Variants in RET observed in about 807,000 individuals in gnomAD.
RET encodes the protein ret proto-oncogene.
In RET, 19 loss-of-function variants were observed where a neutral mutation model predicts 118.3. That is an observed-to-expected ratio of 0.16 (90% CI 0.11 to 0.24). RET has a LOEUF of 0.24. RET is among the 10% of genes least tolerant of loss of function. The probability of loss-of-function intolerance (pLI) is 1.00; values close to 1 mark genes in which losing one functional copy is unlikely to be tolerated. For missense variants in RET, 1,219 were observed against 1,502.1 expected, an observed-to-expected ratio of 0.81 and a Z score of 3.12; for synonymous variants, 597 against 644.1, an observed-to-expected ratio of 0.93 and a Z score of 1.11.
chr10:43,113,419 C>T lies in RET; in HGVS notation c.1760-137C>T, dbSNP rs2132823989. On this transcript the variant is annotated intron_variant, in intron 9 of 19. Transcript: ENST00000355710. ...AGCCCTGCCCGGCTAAGCCAAGCTGCTGGGCCCCTGGCCTCACTGGGCCTA... is the reference window on the plus strand; with the variant it reads ...AGCCCTGCCCGGCTAAGCCAAGCTGTTGGGCCCCTGGCCTCACTGGGCCTA... 4 of 1,055,908 alleles carry T rather than the reference C, an allele frequency of 3.8e-6. No homozygotes were observed. In the South Asian group the frequency reaches 6.6e-5, roughly 18 times the overall value. 65.4% of individuals were successfully genotyped at this position (1,055,908 alleles called of 1,614,324 possible). A position where few individuals can be genotyped will look rare whatever the true frequency, so the allele number is the denominator to read the frequency against.
intron 17 of RET, 128 bp from the exon 18 acceptor site, chr10:43,124,755 A>T: frequency 1.1e-6 from 1 of 909,552 alleles, no homozygotes. Flanking sequence ...ATGCAGAAAT[A>T]GCTTTGGAGT....
chr10:43,126,508 G>A, intron 18 of RET, 67 bp from the exon 19 acceptor site: 2 of 1,393,440 alleles, frequency 1.4e-6, no homozygotes, highest in Non-Finnish European at 2.0e-6. Flanking sequence ...AGGATGGCTT[G>A]TTGTATACTG....
Position 43,105,138 on chromosome 10 carries a change from C to T in RET, c.812C>T (p.Thr271Ile), listed in dbSNP as rs1361019662. The T allele has an allele frequency of 3.1e-6, 5 of 1,612,596 alleles. No homozygotes were observed. The African/African-American group carries it at 5.3e-5, about 17-fold the overall frequency. ...TACGACGAGGACGACTCGGCGCCCA[C>T]CTTCCCCGCGGGCGTCGACACCGCC... ...TVYDEDDSAP[T>I]FPAGVDTASA... The change falls in exon 4 of 20, where the codon ACC becomes ATC. Residue 271 changes from threonine (T) to isoleucine (I), a missense_variant. Thr to Ile is a moderately conservative substitution (Grantham distance 89, BLOSUM62 -1). Around this residue, in one of 5 missense-constraint regions of RET, gnomAD observed 850 missense variants for 969.6 expected, o/e 0.88. Coordinates refer to ENST00000355710, the MANE Select transcript of RET (RefSeq NM_020975.6).
Position 43,129,782 on chromosome 10 carries a change from G to T in RET, c.*1513G>T. ...CGTGTGTAATAGAGCCTTGTGGTGT[G>T]TGCGCACACACCCAGAGGGAGAGTT... is the stretch of plus-strand genomic sequence containing the variant. On this transcript the variant is annotated 3_prime_UTR_variant, in exon 20 of 20. Coordinates refer to ENST00000355710, the MANE Select transcript of RET (RefSeq NM_020975.6). 1 of 392,966 alleles carries T rather than the reference G, an allele frequency of 2.5e-6. No individual in the cohort carries two copies. 24.3% of individuals were successfully genotyped at this position (392,966 alleles called of 1,614,324 possible).
intron 3 of RET, 55 bp downstream of exon 3, chr10:43,102,684 T>C: frequency 1.9e-6 from 3 of 1,605,124 alleles, no homozygotes; most frequent in Non-Finnish European, 1.7e-6. Flanking sequence ...CTGGTCTTGC[T>C]CTGCGAGCCC....
At position 43,102,365 on chromosome 10, in the gene RET, G is replaced by A. The variant is rs770548816; in HGVS notation, c.361G>A (p.Val121Ile). ...VRNRGFPLLT[V>I]YLKVFLSPTS... is the part of the protein sequence containing the mutation. ...AGACCGCGGCTTTCCCCTGCTCACC[G>A]TCTACCTCAAGGTCTTCCTGTCACC... is the stretch of plus-strand genomic sequence containing the variant. The change falls in exon 3 of 20, where the codon GTC (valine) becomes ATC (isoleucine). Residue 121 changes from valine (V) to isoleucine (I), a missense_variant. By Grantham distance (29) the Val-to-Ile change is conservative. Around this residue, in one of 5 missense-constraint regions of RET, gnomAD observed 84 missense variants for 163.6 expected, o/e 0.51. Coordinates refer to ENST00000355710, the MANE Select transcript of RET (RefSeq NM_020975.6). 29 of 1,614,028 alleles carry A rather than the reference G, an allele frequency of 1.8e-5. No individual in the cohort carries two copies. Among genetic ancestry groups the A allele is most frequent in the African/African-American group, 5.3e-5 (4 of 74,928 alleles).
In RET at chr10:43,077,219, GC is replaced by G; in HGVS notation, c.-38del. ...CCGCCATCCAGACCCGCCGGCCCTAGCCGCAGTCCCTCCAGCCGTGGCCCCA... is the reference window on the plus strand; with the variant it reads ...CCGCCATCCAGACCCGCCGGCCCTAGCGCAGTCCCTCCAGCCGTGGCCCCA... On this transcript the variant is annotated 5_prime_UTR_variant, in exon 1 of 20. Transcript: ENST00000355710. 6.8e-7 allele frequency: 1 copy of G among 1,468,694 alleles called. No individual in the cohort carries two copies. Among genetic ancestry groups the G allele is most frequent in the Non-Finnish European group, 9.0e-7 (1 of 1,112,666 alleles). 91.0% of individuals were successfully genotyped at this position (1,468,694 alleles called of 1,614,324 possible).
At position 43,129,135 on chromosome 10, in the gene RET, T is replaced by G. The variant is rs1023971500; in HGVS notation, c.*866T>G. The G allele has an allele frequency of 8.6e-6, 2 of 233,474 alleles. No individual in the cohort carries two copies. The highest frequency in any genetic ancestry group is 3.6e-4 in the South Asian group (2 of 5,532). The allele number at this position is 233,474 out of a possible 1,614,324, so 14.5% of individuals were successfully genotyped here. A position where few individuals can be genotyped will look rare whatever the true frequency, so the allele number is the denominator to read the frequency against. ...GAATTGCTGACAGCAGAGGCTTTGC[T>G]GCTGTGAATCCCACCTGCCACCAGC... On this transcript the variant is annotated 3_prime_UTR_variant, in exon 20 of 20. Coordinates refer to ENST00000355710, the MANE Select transcript of RET (RefSeq NM_020975.6).
At chr10:43,102,810 A>G in intron 3 of RET, 181 bp downstream of exon 3, 2 of 719,566 alleles carry the variant, frequency 2.8e-6, no homozygotes, top group East Asian at 2.7e-5. Context: ...AGCTAAGGAT[A>G]TAACAATGAA....
In RET at chr10:43,128,719, G is replaced by T. The variant is rs1838386595; in HGVS notation, c.*450G>T. ...ACACAAAAAAGGCAGTAGGAAAAAT[G>T]CTGGCCCTGATGACCTGTCCTTATT... On this transcript the variant is annotated 3_prime_UTR_variant, in exon 20 of 20. Transcript: ENST00000355710. The T allele has an allele frequency of 5.3e-6, 2 of 379,224 alleles. No individual in the cohort carries two copies. Among genetic ancestry groups the T allele is most frequent in the African/African-American group, 4.1e-5 (2 of 49,356 alleles). The allele number at this position is 379,224 out of a possible 1,614,324, so 23.5% of individuals were successfully genotyped here. A position where few individuals can be genotyped will look rare whatever the true frequency, so the allele number is the denominator to read the frequency against.
Position 43,105,201 on chromosome 10 carries a change from T to C in RET, c.867+8T>C. 1.2e-6 allele frequency: 2 copies of C among 1,612,508 alleles called. No individual in the cohort carries two copies. The highest frequency in any genetic ancestry group is 1.7e-6 in the Non-Finnish European group (2 of 1,179,878). ...GAGTTCAAGCGGAAGGAGGTGCTTG[T>C]CCGCGCGTGCTGTGGTCTACCCAGT... On this transcript the variant is annotated splice_region_variant and intron_variant, in intron 4 of 19. Coordinates refer to ENST00000355710, the MANE Select transcript of RET (RefSeq NM_020975.6).
In RET at chr10:43,106,224, C is replaced by T; in HGVS notation, c.868-152C>T. The T allele has an allele frequency of 1.2e-6, 1 of 816,016 alleles. No homozygotes were observed. Among genetic ancestry groups the T allele is most frequent in the South Asian group, 1.5e-5 (1 of 67,634 alleles). The allele number at this position is 816,016 out of a possible 1,614,324, so 50.5% of individuals were successfully genotyped here. A position where few individuals can be genotyped will look rare whatever the true frequency, so the allele number is the denominator to read the frequency against. On this transcript the variant is annotated intron_variant, in intron 4 of 19. Coordinates refer to ENST00000355710, the MANE Select transcript of RET (RefSeq NM_020975.6). The surrounding 1 kb of genome is among the most constrained non-coding windows in gnomAD (Gnocchi z 5.1). ...CAGTGACCCCGTGGGAACTTGAACC[C>T]AGGTCAGACTGTCCCCAGACCTGGC...
chr10:43,083,255 C>T (rs1183358474), intron 1 of RET, among the ~76,000 whole-genome samples: 1 of 152,180 alleles, frequency 6.6e-6, no homozygotes, highest in East Asian at 1.9e-4. Context: ...CAGGATGCCC[C>T]ACAGCACCTT....
At position 43,123,355 on chromosome 10, in the gene RET, T is replaced by C. The variant is rs150222426; in HGVS notation, c.2802-316T>C. On this transcript the variant is annotated intron_variant, in intron 16 of 19. Transcript: ENST00000355710. Reference sequence around the variant, plus strand: ...ATTAAGATTAATTCATGATATTAATTAATGTATCATTAATTCATTAATCAT... The same window carrying C: ...ATTAAGATTAATTCATGATATTAATCAATGTATCATTAATTCATTAATCAT... Among the ~76,000 whole-genome samples the C allele has an allele frequency of 6.6e-5, 10 of 152,342 alleles. No individual in the cohort carries two copies. The East Asian group carries it at 1.9e-3, about 29-fold the overall frequency.
At chr10:43,104,714 C>G (rs770133976) in intron 3 of RET, 14 of 639,006 alleles carry the variant, frequency 2.2e-5, no homozygotes, top group Non-Finnish European at 3.2e-5. Flanking sequence ...GAGGACGCAG[C>G]TGCAGCAGGA....
chr10:43,087,615 G>C (rs1837316410), intron 1 of RET, among the ~76,000 whole-genome samples: 2 of 152,218 alleles, frequency 1.3e-5, no homozygotes, highest in Non-Finnish European at 2.9e-5. Flanking sequence ...GGAACCAGGG[G>C]CTGATGCAGT....
chr10:43,109,183 A>G lies in RET; in HGVS notation c.1216A>G (p.Ser406Gly), dbSNP rs756532455. The G allele has an allele frequency of 1.6e-5, 26 of 1,613,720 alleles. No homozygotes were observed. The highest frequency in any genetic ancestry group is 2.1e-5 in the Non-Finnish European group (25 of 1,180,048). ...GCTGCCGGTCAGCCTGCACCTGCCC[A>G]GTACCTACTCCCTCTCCGTGAGCAG... ...SVLPVSLHLP[S>G]TYSLSVSRRA... The change falls in exon 6 of 20, where the codon AGT (serine) becomes GGT (glycine). Residue 406 changes from serine (S) to glycine (G), a missense_variant. By Grantham distance (56) the Ser-to-Gly change is moderately conservative. Transcript: ENST00000355710.
intron 5 of RET, among the ~76,000 whole-genome samples, chr10:43,108,156 G>A (rs1345224529): frequency 1.3e-5 from 2 of 151,610 alleles, no homozygotes; most frequent in Non-Finnish European, 2.9e-5. Flanking sequence ...GACCAGCCTA[G>A]GCAACATGGT....
intron 1 of RET, among the ~76,000 whole-genome samples, chr10:43,098,437 T>C (rs1251309440): frequency 6.6e-6 from 1 of 151,634 alleles, no homozygotes; most frequent in African/African-American, 2.4e-5. Context: ...TTTTTTTTTT[T>C]TTTGAGACAG....
Sources: gnomAD v4.1 joint callset for allele counts (sites outside exome capture counted in the v4.1 genomes callset) on GRCh38, gnomAD v4.1.1 for gene constraint, gnomAD v4.1.1 regional missense constraint, Gnocchi (gnomAD v3.1) non-coding constraint, MANE v1.5 for transcripts, NCBI Gene and HGNC (gene_info 2026-07-23, HGNC 2026-07-21) for gene names.